The following MGMT variants were observed in gnomAD, a reference collection of about 807,000 sequenced individuals.
MGMT encodes O-6-methylguanine-DNA methyltransferase.
A neutral mutation model predicts 15.9 loss-of-function variants in MGMT; 14 were observed. The ratio of observed to expected loss-of-function variants is 0.88; its 90% CI spans 0.58 to 1.37. MGMT has a LOEUF of 1.37. Among genes scored for constraint, MGMT ranks in the 40% most tolerant of loss-of-function variants. The pLI, the probability that MGMT is intolerant of heterozygous loss-of-function variation, is 0.00. For missense variants in MGMT, 282 were observed against 268.1 expected, an observed-to-expected ratio of 1.05 and a Z score of -0.36; for synonymous variants, 130 against 118.2, an observed-to-expected ratio of 1.10 and a Z score of -0.65.
intron 2 of MGMT, among the ~76,000 whole-genome samples, chr10:129,689,576 C>G (rs1018798987): frequency 2.0e-5 from 3 of 152,214 alleles, no homozygotes; most frequent in Admixed American, 6.5e-5. Context: ...TGTGATGGAG[C>G]AGGTCCTTCG....
chr10:129,498,290 C>T (rs2119671057), intron 1 of MGMT, among the ~76,000 whole-genome samples: 1 of 152,284 alleles, frequency 6.6e-6, no homozygotes, highest in Middle Eastern at 3.4e-3. Flanking sequence ...TTGAAGTTTT[C>T]CCATTGGTAA....
At chr10:129,607,726 C>T (rs1589891149) in intron 2 of MGMT, among the ~76,000 whole-genome samples, 1 of 152,224 alleles carries the variant, frequency 6.6e-6, no homozygotes, top group Non-Finnish European at 1.5e-5. Flanking sequence ...CAGCTGCTCA[C>T]CATGGTCCAG....
chr10:129,664,264 A>C (rs564458517), intron 2 of MGMT, among the ~76,000 whole-genome samples: 1 of 152,342 alleles, frequency 6.6e-6, no homozygotes, highest in South Asian at 2.1e-4. Flanking sequence ...GATGACATGT[A>C]CTCAATTGTA....
intron 2 of MGMT, among the ~76,000 whole-genome samples, chr10:129,695,864 T>TG: frequency 6.6e-6 from 1 of 152,134 alleles, no homozygotes; most frequent in African/African-American, 2.4e-5. Context: ...GCTCTGCTTC[T>TG]GGGGTACTCG....
At chr10:129,553,931 G>A (rs563942900) in intron 2 of MGMT, among the ~76,000 whole-genome samples, 1 of 152,340 alleles carries the variant, frequency 6.6e-6, no homozygotes, top group South Asian at 2.1e-4. Flanking sequence ...TGGGGAAGAC[G>A]TTTCTCCCCT....
rs374561374 is a variant in MGMT, at chr10:129,565,998, C to T, written c.125+29621C>T. On this transcript the variant is annotated intron_variant, in intron 2 of 4. Transcript: ENST00000651593. ...CGGGGCCCCAGGCAGGCTGGAGCCA[C>T]AGGTCTGAGTTCTGTCCAGTTCAGG... Among the ~76,000 whole-genome samples the T allele has an allele frequency of 1.4e-3, 209 of 152,292 alleles. 2 individuals are homozygous for T. The South Asian group carries it at 0.025, about 18-fold the overall frequency.
At chr10:129,630,651 A>G (rs1847199686) in intron 2 of MGMT, among the ~76,000 whole-genome samples, 1 of 152,212 alleles carries the variant, frequency 6.6e-6, no homozygotes, top group African/African-American at 2.4e-5. Flanking sequence ...ACTGATAGAA[A>G]AAGAAAACAG....
chr10:129,720,670 G>T (rs138960838), intron 3 of MGMT, among the ~76,000 whole-genome samples: 173 of 152,372 alleles, frequency 1.1e-3, no homozygotes, highest in African/African-American at 3.7e-3. Flanking sequence ...TTTGCACCCT[G>T]CTAGCATGTG....
chr10:129,544,957 G>A (rs1248116267), intron 2 of MGMT, among the ~76,000 whole-genome samples: 1 of 152,206 alleles, frequency 6.6e-6, no homozygotes, highest in African/African-American at 2.4e-5. Flanking sequence ...TCAGGCAGAT[G>A]TCAAGGAAGT....
intron 3 of MGMT, among the ~76,000 whole-genome samples, chr10:129,711,215 A>G (rs149001538): frequency 1.3e-5 from 2 of 152,160 alleles, no homozygotes; most frequent in African/African-American, 4.8e-5. Flanking sequence ...GCTGTTTGTG[A>G]TTTGCTTTTT....
At chr10:129,689,687 C>A (rs1043923993) in intron 2 of MGMT, among the ~76,000 whole-genome samples, 3 of 152,162 alleles carry the variant, frequency 2.0e-5, no homozygotes, top group African/African-American at 7.2e-5. Flanking sequence ...GGCAAAGGGC[C>A]ATTTCTGTTG....
intron 2 of MGMT, among the ~76,000 whole-genome samples, chr10:129,554,053 G>C (rs931196794): frequency 1.3e-5 from 2 of 152,236 alleles, no homozygotes; most frequent in Non-Finnish European, 2.9e-5. Context: ...CCATGAGGGC[G>C]TGGGACTGGG....
At chr10:129,661,363 A>AC (rs778979192) in intron 2 of MGMT, among the ~76,000 whole-genome samples, 21 of 152,000 alleles carry the variant, frequency 1.4e-4, no homozygotes, top group Non-Finnish European at 2.1e-4. Context: ...TGCAGCCCAG[A>AC]CCCCCCTCAT....
rs1443749299 is a variant in MGMT at position 129,556,721 on chromosome 10, A to G, written c.125+20344A>G. ...AAATGATGAAAATGGTATTTTACAC[A>G]TATTTGAAAAGAAAGGTTTGAGAAG... On this transcript the variant is annotated intron_variant, in intron 2 of 4. Transcript: ENST00000651593. The surrounding 1 kb of genome is among the most constrained non-coding windows in gnomAD (Gnocchi z 4.3). 2.0e-5 allele frequency among the ~76,000 whole-genome samples: 3 copies of G among 152,226 alleles called. No individual in the cohort carries two copies. The highest frequency in any genetic ancestry group is 2.1e-4 in the South Asian group (1 of 4,830).
rs1012827 is a variant in MGMT at position 129,659,709 on chromosome 10, A to G, written c.126-48186A>G. On this transcript the variant is annotated intron_variant, in intron 2 of 4. Transcript: ENST00000651593. The surrounding 1 kb of genome is among the most constrained non-coding windows in gnomAD (Gnocchi z 4.1). ...ATATTCCATGAGTAGCTGCCAGGAG[A>G]GCTTTTCTGGAACAGTATTAAACTT... Among the ~76,000 whole-genome samples the G allele has an allele frequency of 5.1e-3, 783 of 152,340 alleles. 9 individuals are homozygous for G. Among genetic ancestry groups the G allele is most frequent in the Admixed American group, 0.036 (555 of 15,298 alleles).
intron 1 of MGMT, among the ~76,000 whole-genome samples, chr10:129,492,334 C>T (rs1219578372): frequency 3.3e-5 from 5 of 152,214 alleles, no homozygotes; most frequent in African/African-American, 1.2e-4. Context: ...CTTCCCACGT[C>T]CCCTGTTTCA....
intron 2 of MGMT, among the ~76,000 whole-genome samples, chr10:129,638,914 G>T (rs1847295601): frequency 6.6e-6 from 1 of 152,084 alleles, no homozygotes; most frequent in African/African-American, 2.4e-5. Context: ...AAGAAAACTG[G>T]CATAGCTATA....
intron 2 of MGMT, among the ~76,000 whole-genome samples, chr10:129,560,744 TTG>T (rs1270356856): frequency 6.6e-6 from 1 of 152,244 alleles, no homozygotes; most frequent in African/African-American, 2.4e-5. Flanking sequence ...ACGTCTTTTA[TTG>T]TGGCCTGTAG....
At chr10:129,687,772 T>C (rs111389009) in intron 2 of MGMT, among the ~76,000 whole-genome samples, 65 of 152,024 alleles carry the variant, frequency 4.3e-4, no homozygotes, top group Middle Eastern at 6.8e-3. Flanking sequence ...TATGTATACA[T>C]GTGCCATGTT....
Sources: allele counts gnomAD v4.1 joint callset (sites outside exome capture counted in the v4.1 genomes callset), GRCh38; gene constraint gnomAD v4.1.1; non-coding constraint Gnocchi (gnomAD v3.1); transcripts MANE v1.5; gene names NCBI Gene and HGNC (gene_info 2026-07-23, HGNC 2026-07-21).